The following ANAPC7 variants were observed in gnomAD, a reference collection of about 807,000 sequenced individuals.
The protein encoded by ANAPC7 is anaphase-promoting complex subunit 7.
ANAPC7 carries 25 observed loss-of-function variants against 63.3 expected under a neutral mutation model. The ratio of observed to expected loss-of-function variants is 0.39; its 90% confidence interval spans 0.29 to 0.55. The LOEUF (loss-of-function observed/expected upper bound fraction) is 0.55. Ranked by LOEUF, ANAPC7 falls within the 20% of genes least tolerant of loss-of-function variation. The probability of loss-of-function intolerance (pLI) is 0.57; values close to 1 mark genes in which losing one functional copy is unlikely to be tolerated. For missense variants in ANAPC7, 516 were observed against 691.7 expected (o/e 0.75, Z 2.85); for synonymous variants, 241 against 251.7 (o/e 0.96, Z 0.40).
chr12:110,386,210 G>A, intron 6 of ANAPC7, 117 bp downstream of exon 6: 2 of 1,465,584 alleles, frequency 1.4e-6, no homozygotes, highest in East Asian at 2.3e-5. Flanking sequence ...ACTAGTATAA[G>A]TTTTATACAC....
chr12:110,377,625 A>T lies in ANAPC7; in HGVS notation c.1133-8T>A. ...AGTAACATTCGATAAGACCTGAAAA[A>T]AGTAAAACACGTGAAGACATTCAAT... On this transcript the variant is annotated splice_region_variant and splice_polypyrimidine_tract_variant and intron_variant, in intron 8 of 10. Coordinates refer to ENST00000455511, the MANE Select transcript of ANAPC7 (RefSeq NM_016238.3). The T allele has an allele frequency of 6.2e-7, 1 of 1,614,180 alleles. No individual in the cohort carries two copies. Among genetic ancestry groups the T allele is most frequent in the Non-Finnish European group, 8.5e-7 (1 of 1,179,994 alleles).
intron 3 of ANAPC7, among the ~76,000 whole-genome samples, chr12:110,393,277 T>C (rs939221990): frequency 2.6e-5 from 4 of 152,072 alleles, no homozygotes; most frequent in African/African-American, 9.7e-5. Flanking sequence ...AGGCAAAAAA[T>C]GAAGTTCTAA....
At chr12:110,375,580 A>G (rs965347326) in intron 10 of ANAPC7, 35 of 785,094 alleles carry the variant, frequency 4.5e-5, no homozygotes, top group Admixed American at 1.3e-4. Flanking sequence ...ATCATTTAAT[A>G]TCTAATAAGG....
chr12:110,401,261 C>T (rs554614601), intron 1 of ANAPC7, among the ~76,000 whole-genome samples: 1 of 152,264 alleles, frequency 6.6e-6, no homozygotes, highest in Non-Finnish European at 1.5e-5. Context: ...ACTCTCCAGT[C>T]AGAGAAGACC....
intron 1 of ANAPC7, among the ~76,000 whole-genome samples, chr12:110,398,772 C>T (rs1163005865): frequency 5.3e-5 from 8 of 151,968 alleles, no homozygotes; most frequent in Admixed American, 4.6e-4. Flanking sequence ...ATGGAGAAAC[C>T]CTGTCTCTAC....
chr12:110,388,390 T>C (rs1882800391), intron 4 of ANAPC7, 122 bp downstream of exon 4: 3 of 705,176 alleles, frequency 4.3e-6, no homozygotes, highest in Middle Eastern at 2.6e-4. Flanking sequence ...GGAATCCTAC[T>C]AAATCACTCT....
At chr12:110,387,921 A>G in intron 4 of ANAPC7, 29 bp from the exon 5 acceptor site, 1 of 1,609,760 alleles carries the variant, frequency 6.2e-7, no homozygotes, top group Non-Finnish European at 8.5e-7. Flanking sequence ...GAAGAAAGAA[A>G]GTAAGGCACG....
rs1251037481 is a variant in ANAPC7, at chr12:110,382,455, AAAAAAAATATATATATATAT to A, written c.935+368_935+387del. 9.9e-5 allele frequency among the ~76,000 whole-genome samples: 7 copies of A among 70,464 alleles called. No individual in the cohort carries two copies. In the South Asian group the frequency reaches 1.7e-3, roughly 17 times the overall value. The allele number at this position is 70,464 out of a possible 152,430, so 46.2% of individuals were successfully genotyped here. A position where few individuals can be genotyped will look rare whatever the true frequency, so the allele number is the denominator to read the frequency against. On this transcript the variant is annotated intron_variant, in intron 7 of 10. Coordinates refer to ENST00000455511, the MANE Select transcript of ANAPC7 (RefSeq NM_016238.3). ...GATTATCCTTTTAAAAAAAAAAAAA[AAAAAAAATATATATATATAT>A]ATATATATATATATATATATTTATA... is the stretch of plus-strand genomic sequence containing the variant.
At chr12:110,388,895 A>G (rs563028882) in intron 3 of ANAPC7, among the ~76,000 whole-genome samples, 16 of 152,140 alleles carry the variant, frequency 1.1e-4, no homozygotes, top group African/African-American at 3.4e-4. Flanking sequence ...CCCGGCTAAC[A>G]CAGTGAAACC....
At chr12:110,385,208 G>GTGAGCAGAGATTGTGCCAC (rs796192574) in intron 6 of ANAPC7, among the ~76,000 whole-genome samples, 5 of 152,364 alleles carry the variant, frequency 3.3e-5, no homozygotes, top group African/African-American at 1.2e-4. Flanking sequence ...GGAGGTTGCA[G>GTGAGCAGAGATTGTGCCAC]TGAGCAGAGA....
Position 110,396,684 on chromosome 12 carries a change from T to G in ANAPC7, c.102-232A>C, listed in dbSNP as rs527724598. Among the ~76,000 whole-genome samples the G allele has an allele frequency of 2.7e-4, 4 of 14,646 alleles. No homozygotes were observed. The East Asian group carries it at 6.4e-3, about 24-fold the overall frequency. The allele number at this position is 14,646 out of a possible 152,430, so 9.6% of individuals were successfully genotyped here. On this transcript the variant is annotated intron_variant, in intron 1 of 10. Coordinates refer to ENST00000455511, the MANE Select transcript of ANAPC7 (RefSeq NM_016238.3). ...TGGCACCACACCCAGCTAATTTTTGTTTTTTTTTTTAGTAGACATGGGGTT... is the reference window on the plus strand; with the variant it reads ...TGGCACCACACCCAGCTAATTTTTGGTTTTTTTTTTAGTAGACATGGGGTT...
rs1251628214 is a variant in ANAPC7 at position 110,382,867 on chromosome 12, T to C, written c.911A>G (p.His304Arg). The change falls in exon 7 of 11, where the codon CAT becomes CGT. Residue 304 changes from histidine (H) to arginine (R), a missense_variant. His to Arg is a conservative substitution (Grantham distance 29). This residue lies in a region of ANAPC7 where 199 missense variants were observed against 249.3 expected (regional missense o/e 0.80). Transcript: ENST00000455511. ...GCRLFNISDQ[H>R]AEPWVVSGCH... The stretch of plus-strand genomic sequence containing the variant: ...CCCAGAAACCACCCACGGTTCTGCA[T>C]GCTGATCAGAGATATTGAAAAGGCG... The C allele has an allele frequency of 6.2e-7, 1 of 1,613,840 alleles. No homozygotes were observed. Among genetic ancestry groups the C allele is most frequent in the Non-Finnish European group, 8.5e-7 (1 of 1,179,804 alleles).
chr12:110,383,875 C>CAAAAAAAA (rs1159374781), intron 6 of ANAPC7, among the ~76,000 whole-genome samples: 6 of 50,674 alleles, frequency 1.2e-4, no homozygotes, highest in South Asian at 8.6e-4. Flanking sequence ...GACTCCGTCT[C>CAAAAAAAA]AAAAAAAAAA....
intron 6 of ANAPC7, among the ~76,000 whole-genome samples, chr12:110,383,875 CAAAAAAAAAAAAAAAAAAA>C (rs1159374781): frequency 2.0e-5 from 1 of 50,678 alleles, no homozygotes; most frequent in African/African-American, 6.8e-5. Context: ...GACTCCGTCT[CAAAAAAAAAAAAAAAAAAA>C]AAAAGAAAAA....
Position 110,403,631 on chromosome 12 carries a change from G to A in ANAPC7, c.-4C>T. The A allele has an allele frequency of 6.3e-7, 1 of 1,596,944 alleles. No individual in the cohort carries two copies. On this transcript the variant is annotated 5_prime_UTR_variant, in exon 1 of 11. Coordinates refer to ENST00000455511, the MANE Select transcript of ANAPC7 (RefSeq NM_016238.3). Reference sequence around the variant, plus strand: ...GCACGTGGTCTATCACATTCATCCTGCTCTGCAAAGCCGCGGGCAGCGGCG... The same window carrying A: ...GCACGTGGTCTATCACATTCATCCTACTCTGCAAAGCCGCGGGCAGCGGCG...
In ANAPC7 at chr12:110,387,855, T is replaced by C; in HGVS notation, c.558A>G (p.Ala186=). 6.2e-7 allele frequency: 1 copy of C among 1,614,120 alleles called. No individual in the cohort carries two copies. The change falls in exon 5 of 11, where the codon GCA becomes GCG. Residue 186 remains alanine, a synonymous_variant. Coordinates refer to ENST00000455511, the MANE Select transcript of ANAPC7 (RefSeq NM_016238.3). ...TTTGGATCACATTCATTGTCATGGA[T>C]GCCACCTCTGCCCCTTTTACAGAAA... is the stretch of plus-strand genomic sequence containing the variant. ...LSLSVKGAEV[A]SMTMNVIQTV... is the part of the protein sequence containing the mutation.
chr12:110,373,187 G>A lies in ANAPC7; in HGVS notation c.*957C>T, dbSNP rs1267819297. On this transcript the variant is annotated 3_prime_UTR_variant, in exon 11 of 11. Transcript: ENST00000455511. ...GTGATACTCAGGCTGACCAGTGACA[G>A]ACTGCTGGAACCAGACCCCAATCTC... is the stretch of plus-strand genomic sequence containing the variant. 6.6e-6 allele frequency: 1 copy of A among 152,152 alleles called. No individual in the cohort carries two copies. The highest frequency in any genetic ancestry group is 1.5e-5 in the Non-Finnish European group (1 of 68,044). The allele number at this position is 152,152 out of a possible 1,614,324, so 9.4% of individuals were successfully genotyped here.
Position 110,395,202 on chromosome 12 carries a change from CA to C in ANAPC7, c.306del (p.Ile102MetfsTer3). On this transcript the variant is annotated frameshift_variant, in exon 3 of 11. Transcript: ENST00000455511. LOFTEE classifies it high-confidence loss of function. The part of the protein sequence containing the change: ...TPQSQCLPSE[I>X]EVKYKMAECY... ...CATTCAGCCATTTTGTATTTCACTTCAATTTCAGATGGAAGACACTAAAAGA... is the reference window on the plus strand; with the variant it reads ...CATTCAGCCATTTTGTATTTCACTTCATTTCAGATGGAAGACACTAAAAGA... 6.2e-7 allele frequency: 1 copy of C among 1,611,782 alleles called. No individual in the cohort carries two copies. The highest frequency in any genetic ancestry group is 8.5e-7 in the Non-Finnish European group (1 of 1,179,168).
At chr12:110,376,362 G>C in intron 9 of ANAPC7, 146 bp from the exon 10 acceptor site, 2 of 870,756 alleles carry the variant, frequency 2.3e-6, no homozygotes, top group Middle Eastern at 3.4e-4. Context: ...ATTCAGTTAA[G>C]AAATTTTCCA....
Sources: gnomAD v4.1 joint callset for allele counts (sites outside exome capture counted in the v4.1 genomes callset) on GRCh38, gnomAD v4.1.1 for gene constraint, gnomAD v4.1.1 regional missense constraint, MANE v1.5 for transcripts, NCBI Gene and HGNC (gene_info 2026-07-23, HGNC 2026-07-21) for gene names.